MRTFA: variants seen among roughly 807,000 people sequenced by gnomAD.
MRTFA encodes myocardin related transcription factor A.
MRTFA carries 20 observed loss-of-function variants against 83.5 expected under a neutral mutation model. The observed-to-expected ratio is 0.24, with a 90% CI of 0.17 to 0.35. The LOEUF (loss-of-function observed/expected upper bound fraction) is 0.35, where lower values mean the gene tolerates loss of function less well. Among genes scored for constraint, MRTFA ranks in the 10% least tolerant of loss-of-function variants. MRTFA has a pLI of 1.00. For synonymous variants in MRTFA, 659 were observed against 541.2 expected, an observed-to-expected ratio of 1.22 and a Z score of -3.02; for missense variants, 1,200 against 1,224.7, an observed-to-expected ratio of 0.98 and a Z score of 0.30.
At chr22:40,566,456 G>A (rs941727624) in intron 2 of MRTFA, among the ~76,000 whole-genome samples, 7 of 151,870 alleles carry the variant, frequency 4.6e-5, no homozygotes, top group African/African-American at 7.2e-5. Flanking sequence ...TCCTGACCTC[G>A]TGATCCACCC....
chr22:40,439,047 T>C (rs953139356), intron 4 of MRTFA, among the ~76,000 whole-genome samples: 6 of 152,204 alleles, frequency 3.9e-5, no homozygotes, highest in Non-Finnish European at 8.8e-5. Flanking sequence ...ATTTTATAGA[T>C]AAGGACAGGG....
intron 1 of MRTFA, among the ~76,000 whole-genome samples, chr22:40,629,839 C>T (rs1352921276): frequency 6.7e-6 from 1 of 149,828 alleles, no homozygotes; most frequent in Admixed American, 6.7e-5. Context: ...GTCCTAGCTA[C>T]TCAGGAGGCA....
chr22:40,516,119 C>T (rs2054753556), intron 3 of MRTFA, among the ~76,000 whole-genome samples: 1 of 151,934 alleles, frequency 6.6e-6, no homozygotes, highest in Non-Finnish European at 1.5e-5. Flanking sequence ...TAAAACTCAG[C>T]TGTTAAGAAG....
chr22:40,477,910 A>G (rs984002338), intron 3 of MRTFA, among the ~76,000 whole-genome samples: 6 of 152,146 alleles, frequency 3.9e-5, no homozygotes, highest in Admixed American at 1.3e-4. Flanking sequence ...TAGTCAGTGA[A>G]GCAGGCTCTG....
chr22:40,418,108 G>A (rs567628726), intron 12 of MRTFA, among the ~76,000 whole-genome samples: 1 of 152,210 alleles, frequency 6.6e-6, no homozygotes, highest in African/African-American at 2.4e-5. Context: ...GGGCTGCTCA[G>A]GAGTCCTGCT....
At position 40,558,032 on chromosome 22, in the gene MRTFA, C is replaced by A. The variant is rs192864839; in HGVS notation, c.-21-5665G>T. On this transcript the variant is annotated intron_variant, in intron 2 of 14. Transcript: ENST00000355630. ...CAAGTGAGCCACCTGCCTTGGCCTC[C>A]CAAAGTGCTGGAATTACAGGCATGA... Among the ~76,000 whole-genome samples, 134 of 152,036 alleles carry A rather than the reference C, an allele frequency of 8.8e-4. 1 individual carries two copies. In the Middle Eastern group the frequency reaches 0.02, roughly 23 times the overall value.
chr22:40,587,801 C>G lies in MRTFA; in HGVS notation c.-22+6873G>C, dbSNP rs2056054344. The G allele has an allele frequency of 1.5e-5, 5 of 341,486 alleles. No homozygotes were observed. In the South Asian group the frequency reaches 2.0e-4, roughly 14 times the overall value. The allele number at this position is 341,486 out of a possible 1,614,324, so 21.2% of individuals were successfully genotyped here. A position where few individuals can be genotyped will look rare whatever the true frequency, so the allele number is the denominator to read the frequency against. ...TTGAGACCCAACTCTGCCAGTACCC[C>G]AAGATTCAGCACTGGTCTGACGACC... On this transcript the variant is annotated intron_variant, in intron 2 of 14. Transcript: ENST00000355630.
At chr22:40,536,442 G>A (rs1349810254) in intron 3 of MRTFA, among the ~76,000 whole-genome samples, 1 of 148,392 alleles carries the variant, frequency 6.7e-6, no homozygotes, top group Non-Finnish European at 1.5e-5. Flanking sequence ...GAGCGGACGG[G>A]CCCCGCGGGG....
chr22:40,565,057 G>C (rs183543185), intron 2 of MRTFA, among the ~76,000 whole-genome samples: 1 of 152,154 alleles, frequency 6.6e-6, no homozygotes, highest in East Asian at 1.9e-4. Context: ...CCAGCTAGAA[G>C]AAACAGAAAT....
intron 1 of MRTFA, among the ~76,000 whole-genome samples, chr22:40,619,175 A>G (rs995534753): frequency 6.6e-6 from 1 of 152,118 alleles, no homozygotes; most frequent in Non-Finnish European, 1.5e-5. Context: ...CTTTAAATAA[A>G]GGAGGCTGTC....
intron 3 of MRTFA, among the ~76,000 whole-genome samples, chr22:40,543,605 T>C (rs147435884): frequency 4.9e-4 from 74 of 152,300 alleles, no homozygotes; most frequent in African/African-American, 1.7e-3. Flanking sequence ...AATAAAATTT[T>C]TGTAAAAGGC....
intron 3 of MRTFA, among the ~76,000 whole-genome samples, chr22:40,515,058 A>G (rs1463539850): frequency 6.6e-6 from 1 of 151,594 alleles, no homozygotes. Flanking sequence ...ACAGGCAAGC[A>G]GCACCATGCC....
chr22:40,624,425 C>CAAAAAAAAAA (rs35882157), intron 1 of MRTFA, among the ~76,000 whole-genome samples: 3 of 62,748 alleles, frequency 4.8e-5, no homozygotes, highest in Non-Finnish European at 7.2e-5. Flanking sequence ...GACTCCAACT[C>CAAAAAAAAAA]AAAAAAAAAA....
intron 11 of MRTFA, 87 bp downstream of exon 11, chr22:40,420,318 C>T: frequency 1.4e-6 from 2 of 1,476,816 alleles, no homozygotes; most frequent in Non-Finnish European, 1.8e-6. Context: ...AGGCTGGCTG[C>T]CTTCCCTGCC....
chr22:40,504,527 T>C (rs949457642), intron 3 of MRTFA, among the ~76,000 whole-genome samples: 5 of 152,272 alleles, frequency 3.3e-5, no homozygotes, highest in Admixed American at 6.5e-5. Context: ...ACCAGATGAG[T>C]GGTGAAAAAC....
At chr22:40,456,643 C>A (rs768808725) in intron 4 of MRTFA, among the ~76,000 whole-genome samples, 19 of 152,140 alleles carry the variant, frequency 1.2e-4, no homozygotes, top group African/African-American at 4.3e-4. Flanking sequence ...GCTGAGATTG[C>A]GCCACTGCAC....
intron 3 of MRTFA, among the ~76,000 whole-genome samples, chr22:40,472,200 G>A (rs181188682): frequency 6.6e-4 from 101 of 152,114 alleles, no homozygotes; most frequent in Non-Finnish European, 1.1e-3. Flanking sequence ...GGTCTGGAAT[G>A]GGGCCTAGAC....
At chr22:40,603,685 C>T (rs916145108) in intron 1 of MRTFA, among the ~76,000 whole-genome samples, 1 of 150,780 alleles carries the variant, frequency 6.6e-6, no homozygotes, top group Non-Finnish European at 1.5e-5. Flanking sequence ...GGCAAAATGT[C>T]TGAATTTTAT....
At chr22:40,535,605 A>T (rs957252255) in intron 3 of MRTFA, among the ~76,000 whole-genome samples, 1 of 152,094 alleles carries the variant, frequency 6.6e-6, no homozygotes, top group Non-Finnish European at 1.5e-5. Flanking sequence ...CCCCTGCCTC[A>T]GCTACCCAAA....
Sources: gnomAD v4.1 joint callset for allele counts (sites outside exome capture counted in the v4.1 genomes callset) on GRCh38, gnomAD v4.1.1 for gene constraint, MANE v1.5 for transcripts, NCBI Gene and HGNC (gene_info 2026-07-23, HGNC 2026-07-21) for gene names.